Variants in TLN2 observed in about 807,000 individuals in gnomAD.
TLN2 encodes the protein talin-2.
TLN2 carries 118 observed loss-of-function variants against 294.7 expected under a neutral mutation model. The ratio of observed to expected loss-of-function variants is 0.40; its 90% CI spans 0.34 to 0.47. The LOEUF is 0.47. TLN2 is among the 20% of genes least tolerant of loss of function. The pLI is 0.84. For synonymous variants in TLN2, 1,431 were observed against 1,304.5 expected (o/e 1.10, Z -2.09); for missense variants, 3,083 against 3,282.2 (o/e 0.94, Z 1.48).
chr15:62,547,114 A>G (rs544564381), intron 1 of TLN2, among the ~76,000 whole-genome samples: 23 of 152,372 alleles, frequency 1.5e-4, no homozygotes, highest in African/African-American at 5.5e-4. Context: ...TAAGCTCCCA[A>G]TTATTATAGG....
chr15:62,640,585 G>T (rs2050944163), intron 3 of TLN2, among the ~76,000 whole-genome samples: 1 of 152,088 alleles, frequency 6.6e-6, no homozygotes, highest in Non-Finnish European at 1.5e-5. Flanking sequence ...TGCCAGCCTT[G>T]CGCCAAAGGG....
intron 1 of TLN2, among the ~76,000 whole-genome samples, chr15:62,494,389 T>C (rs2038911615): frequency 6.6e-6 from 1 of 152,144 alleles, no homozygotes; most frequent in Non-Finnish European, 1.5e-5. Context: ...CAGGGATTTG[T>C]ACATGGTGTT....
intron 52 of TLN2, among the ~76,000 whole-genome samples, chr15:62,814,816 G>T (rs898961496): frequency 2.6e-5 from 4 of 152,158 alleles, no homozygotes; most frequent in Admixed American, 6.5e-5. Context: ...ATAAATTCAC[G>T]TTCACACAGT....
rs866916047 is a variant in TLN2 at position 62,610,905 on chromosome 15, C to T, written c.-161-7446C>T. Among the ~76,000 whole-genome samples, 41 of 152,170 alleles carry T rather than the reference C, an allele frequency of 2.7e-4. 1 individual carries two copies. Among genetic ancestry groups the T allele is most frequent in the Admixed American group, 2.4e-3 (37 of 15,280 alleles). On this transcript the variant is annotated intron_variant, in intron 2 of 58. Coordinates refer to ENST00000636159, the MANE Select transcript of TLN2 (RefSeq NM_015059.3). Reference sequence around the variant, plus strand: ...GCACGGGTGTGTCTAACTTGAAACCCGTGATTCACACCAATACTTCAGATT... The same window carrying T: ...GCACGGGTGTGTCTAACTTGAAACCTGTGATTCACACCAATACTTCAGATT...
At position 62,414,162 on chromosome 15, in the gene TLN2, A is replaced by AC. The variant is rs1438637595; in HGVS notation, c.-238+23477_-238+23478insC. 3.4e-3 allele frequency among the ~76,000 whole-genome samples: 210 copies of AC among 62,308 alleles called. 30 individuals are homozygous for AC. Among genetic ancestry groups the AC allele is most frequent in the East Asian group, 1.0e-2 (7 of 702 alleles). 40.9% of individuals were successfully genotyped at this position (62,308 alleles called of 152,430 possible). ...TCAGTGAAGTGTTAGCAAAAAAAAAAACTATATATATATATATATATATAT... is the reference window on the plus strand; with the variant it reads ...TCAGTGAAGTGTTAGCAAAAAAAAAACACTATATATATATATATATATATAT... On this transcript the variant is annotated intron_variant, in intron 1 of 58. Coordinates refer to ENST00000636159, the MANE Select transcript of TLN2 (RefSeq NM_015059.3).
chr15:62,696,009 G>A (rs578259219), intron 14 of TLN2, among the ~76,000 whole-genome samples: 10 of 152,304 alleles, frequency 6.6e-5, no homozygotes, highest in Middle Eastern at 3.4e-3. Flanking sequence ...GGTCAGGATC[G>A]TTCCCATCGC....
intron 1 of TLN2, among the ~76,000 whole-genome samples, chr15:62,526,314 G>A (rs2040737967): frequency 6.6e-6 from 1 of 152,144 alleles, no homozygotes; most frequent in Non-Finnish European, 1.5e-5. Flanking sequence ...ATTTTTAGTA[G>A]AGATGGGTTT....
intron 1 of TLN2, among the ~76,000 whole-genome samples, chr15:62,582,780 C>G (rs915028080): frequency 1.3e-5 from 2 of 152,090 alleles, no homozygotes; most frequent in Non-Finnish European, 2.9e-5. Flanking sequence ...ACTGTGTTAC[C>G]TGATTTAACC....
intron 52 of TLN2, among the ~76,000 whole-genome samples, chr15:62,812,799 G>A (rs139513703): frequency 3.3e-5 from 5 of 152,292 alleles, no homozygotes; most frequent in African/African-American, 1.2e-4. Context: ...GCCTCTGTCC[G>A]AGGGGCGGGC....
At chr15:62,678,154 G>T (rs1359497306) in intron 11 of TLN2, among the ~76,000 whole-genome samples, 4 of 152,030 alleles carry the variant, frequency 2.6e-5, no homozygotes, top group African/African-American at 7.2e-5. Flanking sequence ...TTTTATTTTT[G>T]TTGCTTTCTA....
chr15:62,582,223 C>CACACACAT (rs1567138627), intron 1 of TLN2, among the ~76,000 whole-genome samples: 5 of 144,182 alleles, frequency 3.5e-5, no homozygotes, highest in Non-Finnish European at 6.1e-5. Flanking sequence ...CACACACACA[C>CACACACAT]ACACACACAC....
intron 38 of TLN2, 126 bp downstream of exon 38, chr15:62,761,947 A>G (rs1190925441): frequency 1.6e-6 from 2 of 1,283,756 alleles, no homozygotes; most frequent in African/African-American, 1.5e-5. Context: ...TACTCTTGTC[A>G]ATGATGGCAT....
At chr15:62,418,754 T>C (rs1381885371) in intron 1 of TLN2, among the ~76,000 whole-genome samples, 1 of 152,176 alleles carries the variant, frequency 6.6e-6, no homozygotes, top group Non-Finnish European at 1.5e-5. Flanking sequence ...ACAAAGTACA[T>C]TCTCAAGGGT....
chr15:62,551,804 A>G (rs569609990), intron 1 of TLN2, among the ~76,000 whole-genome samples: 1 of 152,348 alleles, frequency 6.6e-6, no homozygotes, highest in East Asian at 1.9e-4. Flanking sequence ...CACACTTTTC[A>G]GTAGAGCTTT....
Position 62,494,317 on chromosome 15 carries a change from G to A in TLN2, c.-237-95370G>A, listed in dbSNP as rs181513899. Among the ~76,000 whole-genome samples the A allele has an allele frequency of 2.0e-4, 31 of 152,090 alleles. No individual in the cohort carries two copies. In the East Asian group the frequency reaches 2.9e-3, roughly 14 times the overall value. On this transcript the variant is annotated intron_variant, in intron 1 of 58. Transcript: ENST00000636159. ...GCTGGACCTCAGCTGGCAGGGTCTC[G>A]GGGGCTTTAAACAAAAGCAGGAGCC...
chr15:62,752,907 C>T (rs1163402377), intron 35 of TLN2, among the ~76,000 whole-genome samples: 1 of 152,146 alleles, frequency 6.6e-6, no homozygotes, highest in Non-Finnish European at 1.5e-5. Flanking sequence ...TGATTGACCT[C>T]CCATGACAGA....
intron 28 of TLN2, among the ~76,000 whole-genome samples, chr15:62,729,373 A>AAAT (rs1221355246): frequency 6.6e-6 from 1 of 152,214 alleles, no homozygotes; most frequent in Non-Finnish European, 1.5e-5. Context: ...AATTCCTACA[A>AAAT]AATAATAATA....
At chr15:62,520,449 G>A (rs1263804836) in intron 1 of TLN2, among the ~76,000 whole-genome samples, 1 of 152,196 alleles carries the variant, frequency 6.6e-6, no homozygotes, top group East Asian at 1.9e-4. Context: ...GTGTGTAAGT[G>A]TACATATATG....
chr15:62,638,473 A>G, intron 3 of TLN2: 1 of 452,864 alleles, frequency 2.2e-6, no homozygotes, highest in Non-Finnish European at 4.4e-6. Context: ...ATGGGAGGGT[A>G]GGTTGGAGGG....
Sources: allele counts gnomAD v4.1 joint callset (sites outside exome capture counted in the v4.1 genomes callset), GRCh38; gene constraint gnomAD v4.1.1; transcripts MANE v1.5; gene names NCBI Gene and HGNC (gene_info 2026-07-23, HGNC 2026-07-21).